TMEM156: variants seen among roughly 807,000 people sequenced by gnomAD.
The protein encoded by TMEM156 is transmembrane protein 156.
In TMEM156, 28 loss-of-function variants were observed where a neutral mutation model predicts 30.5. The observed-to-expected ratio is 0.92, with a 90% CI of 0.68 to 1.26. The LOEUF (loss-of-function observed/expected upper bound fraction) is 1.26, where lower values mean the gene tolerates loss of function less well. TMEM156 is among the 50% of genes most tolerant of loss of function. The pLI is 0.00. For missense variants in TMEM156, 351 were observed against 340.6 expected, an observed-to-expected ratio of 1.03 and a Z score of -0.24; for synonymous variants, 137 against 119.9, an observed-to-expected ratio of 1.14 and a Z score of -0.93.
rs756219475 is a variant in TMEM156, at chr4:38,986,409, G to T, written c.750C>A (p.Asp250Glu). ...CTCTTAAGAGAACAGATGTAGGTTT[G>T]TCTCTATGACCTATTCCCAGAAAAG... ...RRVQKWQSHR[D>E]KPTSVLLRGS... Residue 250 changes from aspartate (D) to glutamate (E), a missense_variant, in exon 5 of 7, where the codon GAC becomes GAA. Transcript: ENST00000381938. 11 of 1,611,212 alleles carry T rather than the reference G, an allele frequency of 6.8e-6. No individual in the cohort carries two copies. The African/African-American group carries it at 1.1e-4, about 16-fold the overall frequency.
At chr4:39,013,027 G>A (rs1451452002) in intron 1 of TMEM156, among the ~76,000 whole-genome samples, 1 of 152,100 alleles carries the variant, frequency 6.6e-6, no homozygotes, top group Non-Finnish European at 1.5e-5. Context: ...GGCTGGACAT[G>A]GTGGCTTACG....
intron 5 of TMEM156, among the ~76,000 whole-genome samples, chr4:38,975,526 G>T (rs1722810508): frequency 6.6e-6 from 1 of 151,978 alleles, no homozygotes; most frequent in Non-Finnish European, 1.5e-5. Context: ...GGAATCACAG[G>T]CATGTGCCAC....
intron 1 of TMEM156, among the ~76,000 whole-genome samples, chr4:39,014,774 AAT>A (rs1454855694): frequency 1.4e-5 from 2 of 146,538 alleles, no homozygotes; most frequent in Non-Finnish European, 3.0e-5. Context: ...AAAAAAAAAA[AAT>A]CAGCAAGAAT....
At chr4:39,007,631 T>A (rs1713832013) in intron 1 of TMEM156, among the ~76,000 whole-genome samples, 1 of 151,910 alleles carries the variant, frequency 6.6e-6, no homozygotes, top group Admixed American at 6.6e-5. Context: ...ATTTTTTTGG[T>A]ATTTTTTGGT....
chr4:38,976,406 G>A (rs941041330), intron 5 of TMEM156, among the ~76,000 whole-genome samples: 2 of 151,830 alleles, frequency 1.3e-5, no homozygotes, highest in African/African-American at 2.4e-5. Flanking sequence ...CCAGTGGACA[G>A]CCGGGAAGAT....
At chr4:38,968,316 C>T (rs1722439216) in intron 6 of TMEM156, among the ~76,000 whole-genome samples, 1 of 152,208 alleles carries the variant, frequency 6.6e-6, no homozygotes, top group African/African-American at 2.4e-5. Flanking sequence ...ATTTACTCAA[C>T]AAATCCTTAT....
At chr4:38,974,066 T>C (rs993602150) in intron 5 of TMEM156, among the ~76,000 whole-genome samples, 1 of 148,244 alleles carries the variant, frequency 6.7e-6, no homozygotes, top group Admixed American at 6.7e-5. Context: ...TGCGTGTGTG[T>C]GTGTGTGTGT....
intron 1 of TMEM156, among the ~76,000 whole-genome samples, chr4:39,022,158 T>G (rs1443219298): frequency 2.0e-5 from 3 of 152,226 alleles, no homozygotes; most frequent in South Asian, 4.1e-4. Flanking sequence ...ACTACATTCC[T>G]GGATTGGACT....
chr4:39,031,884 A>T (rs1046812717), intron 1 of TMEM156, among the ~76,000 whole-genome samples: 7 of 100,658 alleles, frequency 7.0e-5, no homozygotes, highest in African/African-American at 1.4e-4. Flanking sequence ...ATCTCAAAAA[A>T]AAAAAATAAA....
chr4:39,021,461 A>G (rs1228944831), intron 1 of TMEM156, among the ~76,000 whole-genome samples: 2 of 152,114 alleles, frequency 1.3e-5, no homozygotes, highest in African/African-American at 4.8e-5. Flanking sequence ...GTAAAAAAGA[A>G]ATAACTCTTC....
chr4:39,008,783 T>C (rs540011501), intron 1 of TMEM156, among the ~76,000 whole-genome samples: 1 of 152,280 alleles, frequency 6.6e-6, no homozygotes, highest in African/African-American at 2.4e-5. Context: ...AAGAAAAGTT[T>C]ATAGTGCCAA....
At chr4:39,023,743 A>G (rs939835933) in intron 1 of TMEM156, among the ~76,000 whole-genome samples, 1 of 152,210 alleles carries the variant, frequency 6.6e-6, no homozygotes, top group African/African-American at 2.4e-5. Context: ...AGTCCCAGCT[A>G]CGCAGGAGGC....
intron 5 of TMEM156, among the ~76,000 whole-genome samples, chr4:38,977,854 T>C (rs1469250535): frequency 2.0e-5 from 3 of 152,250 alleles, no homozygotes; most frequent in Admixed American, 1.3e-4. Flanking sequence ...CCATGCCTTA[T>C]GCTCTCAAAT....
chr4:39,015,133 T>C (rs1714393569), intron 1 of TMEM156, among the ~76,000 whole-genome samples: 1 of 152,238 alleles, frequency 6.6e-6, no homozygotes, highest in African/African-American at 2.4e-5. Flanking sequence ...GCTATGTCTG[T>C]AGTTATATCC....
intron 5 of TMEM156, among the ~76,000 whole-genome samples, chr4:38,977,093 T>C (rs942490033): frequency 2.6e-5 from 4 of 152,040 alleles, no homozygotes; most frequent in South Asian, 2.1e-4. Context: ...TTAGTAGAGA[T>C]GGGGTTTCAC....
chr4:39,020,664 T>C (rs1475482916), intron 1 of TMEM156, among the ~76,000 whole-genome samples: 8 of 152,080 alleles, frequency 5.3e-5, no homozygotes, highest in African/African-American at 1.9e-4. Flanking sequence ...ATTCTCCTGC[T>C]TCAGCCTCCC....
intron 5 of TMEM156, among the ~76,000 whole-genome samples, chr4:38,976,606 T>C (rs944893560): frequency 6.6e-6 from 1 of 152,218 alleles, no homozygotes; most frequent in Non-Finnish European, 1.5e-5. Flanking sequence ...AATAAGTGTG[T>C]GCTGTTTTAA....
chr4:38,979,505 A>C (rs1462859422), intron 5 of TMEM156, among the ~76,000 whole-genome samples: 1 of 152,242 alleles, frequency 6.6e-6, no homozygotes, highest in Non-Finnish European at 1.5e-5. Context: ...AGCACAAAAA[A>C]TATTTTCACC....
At chr4:39,032,107 G>T (rs1201757545) in intron 1 of TMEM156, 119 bp downstream of exon 1, 2 of 640,502 alleles carry the variant, frequency 3.1e-6, no homozygotes, top group South Asian at 3.9e-5. Flanking sequence ...TAGTTTTTCA[G>T]ATCTAGAACT....
Sources: allele counts gnomAD v4.1 joint callset (sites outside exome capture counted in the v4.1 genomes callset), GRCh38; gene constraint gnomAD v4.1.1; transcripts MANE v1.5; gene names NCBI Gene and HGNC (gene_info 2026-07-23, HGNC 2026-07-21).